CTNNA1: variants seen among roughly 807,000 people sequenced by gnomAD.
The protein encoded by CTNNA1 is catenin alpha-1.
A neutral mutation model predicts 98.4 loss-of-function variants in CTNNA1; 37 were observed. The observed-to-expected ratio is 0.38, with a 90% CI of 0.29 to 0.49. The LOEUF is 0.49. CTNNA1 is among the 20% of genes least tolerant of loss of function. CTNNA1 has a pLI of 0.95. For missense variants in CTNNA1, 761 were observed against 1,147.2 expected, an observed-to-expected ratio of 0.66 and a Z score of 4.86; for synonymous variants, 404 against 413.2, an observed-to-expected ratio of 0.98 and a Z score of 0.27.
chr5:138,907,299 C>G (rs1759479637), intron 10 of CTNNA1, among the ~76,000 whole-genome samples: 1 of 152,216 alleles, frequency 6.6e-6, no homozygotes, highest in African/African-American at 2.4e-5. Context: ...GGATTACAGG[C>G]CTGAGCCACC....
chr5:138,829,542 A>G (rs1236150466), intron 7 of CTNNA1, among the ~76,000 whole-genome samples: 2 of 152,212 alleles, frequency 1.3e-5, no homozygotes, highest in East Asian at 3.9e-4. Flanking sequence ...GGTTGGTCAC[A>G]TTCTTGGGCC....
At chr5:138,892,211 T>C (rs1256697148) in intron 9 of CTNNA1, among the ~76,000 whole-genome samples, 2 of 152,060 alleles carry the variant, frequency 1.3e-5, no homozygotes, top group Non-Finnish European at 2.9e-5. Flanking sequence ...CAAAGTAAAT[T>C]TTCTAAATTG....
intron 1 of CTNNA1, among the ~76,000 whole-genome samples, chr5:138,761,304 G>A (rs577772938): frequency 1.3e-5 from 2 of 151,794 alleles, no homozygotes; most frequent in African/African-American, 4.8e-5. Context: ...GCATGATCTC[G>A]GCTCACTGCA....
chr5:138,908,579 C>CTTGAGCGCAGGAGGATT (rs1759810430), intron 10 of CTNNA1, among the ~76,000 whole-genome samples: 4 of 151,926 alleles, frequency 2.6e-5, no homozygotes, highest in African/African-American at 9.7e-5. Flanking sequence ...GCAGGAGGAT[C>CTTGAGCGCAGGAGGATT]GCTTGAGCGC....
At chr5:138,914,913 C>T (rs911152023) in intron 10 of CTNNA1, among the ~76,000 whole-genome samples, 12 of 151,900 alleles carry the variant, frequency 7.9e-5, no homozygotes, top group African/African-American at 2.7e-4. Context: ...TTTGGGAGGC[C>T]GAGGCGGGTG....
intron 1 of CTNNA1, among the ~76,000 whole-genome samples, chr5:138,778,811 A>G (rs1381431134): frequency 6.6e-6 from 1 of 152,106 alleles, no homozygotes; most frequent in African/African-American, 2.4e-5. Flanking sequence ...ACTTTGTTCT[A>G]TCTAATCTCC....
chr5:138,769,956 C>G (rs1180229497), intron 1 of CTNNA1, among the ~76,000 whole-genome samples: 1 of 152,064 alleles, frequency 6.6e-6, no homozygotes, highest in Non-Finnish European at 1.5e-5. Flanking sequence ...AAGCGATTCT[C>G]CTGCCTCAGC....
At chr5:138,872,059 T>TGTGTGTGTGTGC (rs1208140615) in intron 7 of CTNNA1, 2 of 105,392 alleles carry the variant, frequency 1.9e-5, no homozygotes, top group Non-Finnish European at 4.3e-5. Flanking sequence ...TGTGTGTGTG[T>TGTGTGTGTGTGC]GTGTGTGTGC....
chr5:138,819,594 C>T (rs1446670306), intron 5 of CTNNA1, among the ~76,000 whole-genome samples: 2 of 152,120 alleles, frequency 1.3e-5, no homozygotes, highest in Non-Finnish European at 2.9e-5. Context: ...ACAGTCCAGG[C>T]ACTGATTCCT....
At chr5:138,827,282 C>G (rs1311988031) in intron 6 of CTNNA1, among the ~76,000 whole-genome samples, 2 of 152,150 alleles carry the variant, frequency 1.3e-5, no homozygotes, top group Non-Finnish European at 2.9e-5. Context: ...TGGTATCATA[C>G]CTTATCATGC....
chr5:138,917,493 A>G (rs1762035283), intron 10 of CTNNA1, among the ~76,000 whole-genome samples: 1 of 152,178 alleles, frequency 6.6e-6, no homozygotes, highest in Admixed American at 6.5e-5. Context: ...TGTCACTGAA[A>G]ATGGTAGGCT....
chr5:138,796,935 T>C (rs1757047088), intron 3 of CTNNA1, among the ~76,000 whole-genome samples: 1 of 150,886 alleles, frequency 6.6e-6, no homozygotes, highest in Non-Finnish European at 1.5e-5. Context: ...TGTGTAACCA[T>C]TGAATCTTCT....
At chr5:138,930,795 C>T in intron 15 of CTNNA1, 35 bp from the exon 16 acceptor site, 2 of 1,539,674 alleles carry the variant, frequency 1.3e-6, no homozygotes, top group Non-Finnish European at 1.8e-6. Context: ...AGGGGCTTCA[C>T]ATACAATAAT....
intron 3 of CTNNA1, among the ~76,000 whole-genome samples, chr5:138,787,835 C>T (rs1411514368): frequency 1.3e-5 from 2 of 152,088 alleles, no homozygotes; most frequent in African/African-American, 2.4e-5. Flanking sequence ...TAAAATTTCA[C>T]CATAATGCTG....
rs186265466 is a variant in CTNNA1 at position 138,764,171 on chromosome 5, C to T, written c.-3+10661C>T. ...TTGCACTCCAGCGTGGGTGACAGAGCGAGAATCTGTCTCAAAAAAACAAAA... is the reference window on the plus strand; with the variant it reads ...TTGCACTCCAGCGTGGGTGACAGAGTGAGAATCTGTCTCAAAAAAACAAAA... On this transcript the variant is annotated intron_variant, in intron 1 of 17. Transcript: ENST00000302763. Among the ~76,000 whole-genome samples the T allele has an allele frequency of 3.2e-3, 482 of 150,058 alleles. 2 individuals carry two copies. The highest frequency in any genetic ancestry group is 6.3e-3 in the Admixed American group (95 of 15,084).
chr5:138,767,638 C>A (rs998192439), intron 1 of CTNNA1, among the ~76,000 whole-genome samples: 2 of 152,130 alleles, frequency 1.3e-5, no homozygotes, highest in African/African-American at 4.8e-5. Flanking sequence ...TGGGGAAGAT[C>A]TTCAAACCTA....
intron 9 of CTNNA1, among the ~76,000 whole-genome samples, chr5:138,896,011 T>C (rs1450811108): frequency 6.6e-6 from 1 of 152,222 alleles, no homozygotes; most frequent in Non-Finnish European, 1.5e-5. Context: ...GCTTCAAATA[T>C]GTGAATAGTT....
intron 7 of CTNNA1, among the ~76,000 whole-genome samples, chr5:138,846,381 C>T (rs1762731296): frequency 1.3e-5 from 2 of 152,148 alleles, no homozygotes; most frequent in South Asian, 4.1e-4. Context: ...TTTTAGGTGA[C>T]CTATATCAGT....
chr5:138,772,875 TATA>T (rs1299857895), intron 1 of CTNNA1, among the ~76,000 whole-genome samples: 3 of 122,164 alleles, frequency 2.5e-5, no homozygotes, highest in Non-Finnish European at 5.1e-5. Flanking sequence ...GGATTTGGAG[TATA>T]GAATTCAACT....
Sources: gnomAD v4.1 joint callset for allele counts (sites outside exome capture counted in the v4.1 genomes callset) on GRCh38, gnomAD v4.1.1 for gene constraint, MANE v1.5 for transcripts, NCBI Gene and HGNC (gene_info 2026-07-23, HGNC 2026-07-21) for gene names.